The following ATP8B1 variants were observed in gnomAD, a reference collection of about 807,000 sequenced individuals.
ATP8B1 encodes the protein phospholipid-transporting ATPase IC.
In ATP8B1, 80 loss-of-function variants were observed where a neutral mutation model predicts 149.9. The observed-to-expected ratio is 0.53, with a 90% confidence interval of 0.45 to 0.64. ATP8B1 has a LOEUF of 0.64. Ranked by LOEUF, ATP8B1 falls within the 30% of genes least tolerant of loss-of-function variation. The probability of loss-of-function intolerance (pLI) is 0.00; values close to 1 mark genes in which losing one functional copy is unlikely to be tolerated. For missense variants in ATP8B1, 1,247 were observed against 1,552.6 expected, an observed-to-expected ratio of 0.80 and a Z score of 3.31; for synonymous variants, 536 against 562.8, an observed-to-expected ratio of 0.95 and a Z score of 0.67.
intron 2 of ATP8B1, among the ~76,000 whole-genome samples, chr18:57,719,824 C>T (rs2079623545): frequency 6.6e-6 from 1 of 152,168 alleles, no homozygotes; most frequent in African/African-American, 2.4e-5. Flanking sequence ...CAGCAGTAAC[C>T]TCTGCAGACT....
intron 1 of ATP8B1, among the ~76,000 whole-genome samples, chr18:57,781,961 C>T (rs531538652): frequency 1.3e-5 from 2 of 152,048 alleles, no homozygotes; most frequent in South Asian, 4.2e-4. Context: ...TGCACTCCAA[C>T]CTGGGCAACA....
At chr18:57,775,302 GGA>G (rs1174509563) in intron 1 of ATP8B1, among the ~76,000 whole-genome samples, 2 of 151,704 alleles carry the variant, frequency 1.3e-5, no homozygotes, top group African/African-American at 2.4e-5. Context: ...GGTGACAGAT[GGA>G]GACCCTGTCT....
chr18:57,649,908 A>G (rs1414352714), intron 27 of ATP8B1, among the ~76,000 whole-genome samples: 2 of 152,174 alleles, frequency 1.3e-5, no homozygotes, highest in African/African-American at 4.8e-5. Context: ...CTTTCTTGAC[A>G]ACATTAAATT....
Position 57,712,106 on chromosome 18 carries a change from C to T in ATP8B1, c.182-5519G>A, listed in dbSNP as rs577973510. On this transcript the variant is annotated intron_variant, in intron 2 of 27. Transcript: ENST00000648908. ...GAGGAGCAAGGTGGCCAAATAGAAG[C>T]TCGCACGAATTGTAATTCCCATAGG... is the stretch of plus-strand genomic sequence containing the variant. 9.3e-5 allele frequency among the ~76,000 whole-genome samples: 14 copies of T among 150,770 alleles called. No individual in the cohort carries two copies. In the South Asian group the frequency reaches 2.1e-3, roughly 23 times the overall value.
At chr18:57,770,500 G>T (rs561719059) in intron 1 of ATP8B1, among the ~76,000 whole-genome samples, 1 of 152,168 alleles carries the variant, frequency 6.6e-6, no homozygotes, top group Non-Finnish European at 1.5e-5. Flanking sequence ...TCCTCACTCC[G>T]TGAGACACAA....
intron 1 of ATP8B1, among the ~76,000 whole-genome samples, chr18:57,765,360 C>A (rs535496041): frequency 3.3e-5 from 5 of 152,190 alleles, no homozygotes; most frequent in Non-Finnish European, 5.9e-5. Context: ...CCCTTAAAGA[C>A]ACTGAAGTGT....
intron 1 of ATP8B1, among the ~76,000 whole-genome samples, chr18:57,765,886 C>T (rs2080207016): frequency 6.7e-6 from 1 of 150,312 alleles, no homozygotes; most frequent in Non-Finnish European, 1.5e-5. Flanking sequence ...GCAGGAGAAT[C>T]GCTCGAACCC....
intron 1 of ATP8B1, among the ~76,000 whole-genome samples, chr18:57,745,385 C>A (rs181165829): frequency 6.6e-6 from 1 of 152,190 alleles, no homozygotes; most frequent in Non-Finnish European, 1.5e-5. Context: ...AATTCTCCTG[C>A]CTCAGCTTCC....
chr18:57,650,672 G>A lies in ATP8B1; in HGVS notation c.3401-175C>T, dbSNP rs167603. ...AGCCTGGGCAACATGGTGAAACCCC[G>A]TCTCTACTAAAATACAAAAAATCAG... On this transcript the variant is annotated intron_variant, in intron 26 of 27. Transcript: ENST00000648908. Among the ~76,000 whole-genome samples the A allele has an allele frequency of 0.31, 46,441 of 151,720 alleles. 7,208 individuals carry two copies. The highest frequency in any genetic ancestry group is 0.4 in the East Asian group (2,038 of 5,152).
chr18:57,737,020 G>A (rs1418789676), intron 1 of ATP8B1: 1 of 152,056 alleles, frequency 6.6e-6, no homozygotes, highest in African/African-American at 2.4e-5. Context: ...ATTTTGTTTT[G>A]TTTTTCTCAT....
intron 1 of ATP8B1, among the ~76,000 whole-genome samples, chr18:57,792,707 A>G (rs1033404152): frequency 1.3e-5 from 2 of 152,084 alleles, no homozygotes; most frequent in South Asian, 4.2e-4. Context: ...TATACTAAGA[A>G]CCATTGAATT....
chr18:57,790,487 C>T (rs2080454130), intron 1 of ATP8B1, among the ~76,000 whole-genome samples: 1 of 152,282 alleles, frequency 6.6e-6, no homozygotes, highest in East Asian at 1.9e-4. Flanking sequence ...TCATGTCACA[C>T]CCAGTATTCT....
intron 15 of ATP8B1, among the ~76,000 whole-genome samples, chr18:57,682,007 ATTT>A (rs200585995): frequency 4.2e-4 from 61 of 144,112 alleles, no homozygotes; most frequent in Admixed American, 7.6e-4. Context: ...ACTTTGTGTT[ATTT>A]TTTTTTTTTT....
chr18:57,661,454 A>C lies in ATP8B1; in HGVS notation c.2427T>G (p.Ile809Met). 1 of 1,613,262 alleles carries C rather than the reference A, an allele frequency of 6.2e-7. No homozygotes were observed. The highest frequency in any genetic ancestry group is 8.5e-7 in the Non-Finnish European group (1 of 1,179,664). ...TTCTCTTGGTCTTTTTCTCGAGAAGAATTTCATTCTGTGAAATCAGAGAGG... is the reference window on the plus strand; with the variant it reads ...TTCTCTTGGTCTTTTTCTCGAGAAGCATTTCATTCTGTGAAATCAGAGAGG... ...LIITGSWLNE[I>M]LLEKKTKRNK... Residue 809 changes from isoleucine to methionine, a missense_variant, in exon 22 of 28, where the codon ATT becomes ATG. Transcript: ENST00000648908.
At chr18:57,683,122 G>A (rs928283030) in intron 15 of ATP8B1, among the ~76,000 whole-genome samples, 6 of 152,090 alleles carry the variant, frequency 3.9e-5, no homozygotes, top group East Asian at 1.9e-4. Context: ...GCCACCAAGC[G>A]TTGGCCTACA....
chr18:57,669,368 G>C lies in ATP8B1; in HGVS notation c.2047C>G (p.Arg683Gly), dbSNP rs1216021001. 1.7e-5 allele frequency: 27 copies of C among 1,613,610 alleles called. No homozygotes were observed. Among genetic ancestry groups the C allele is most frequent in the Non-Finnish European group, 2.2e-5 (26 of 1,179,950 alleles). Reference sequence around the variant, plus strand: ...TATACTTTATCCAGAGCTTCGTCCCGGTTGGTGGAGGCCACACTGGCAGCC... The same window carrying C: ...TATACTTTATCCAGAGCTTCGTCCCCGTTGGTGGAGGCCACACTGGCAGCC... Reference protein sequence around the residue: ...FMAASVASTNRDEALDKVYEE... With the variant: ...FMAASVASTNGDEALDKVYEE... Residue 683 changes from arginine to glycine, a missense_variant, in exon 18 of 28, where the codon CGG becomes GGG. Arg to Gly is a moderately radical substitution (Grantham distance 125). Around this residue, in one of 3 missense-constraint regions of ATP8B1, gnomAD observed 853 missense variants for 1,035.7 expected, o/e 0.82. Coordinates refer to ENST00000648908, the MANE Select transcript of ATP8B1 (RefSeq NM_001374385.1).
At chr18:57,705,518 C>T (rs1315701185) in intron 3 of ATP8B1, among the ~76,000 whole-genome samples, 3 of 152,132 alleles carry the variant, frequency 2.0e-5, no homozygotes, top group East Asian at 1.9e-4. Flanking sequence ...GGTGCTTATT[C>T]GGACTGGGGT....
intron 15 of ATP8B1, among the ~76,000 whole-genome samples, chr18:57,676,745 A>C (rs564974604): frequency 6.6e-6 from 1 of 151,938 alleles, no homozygotes; most frequent in East Asian, 1.9e-4. Flanking sequence ...AAAAGAAAGA[A>C]AGAAAAGTTG....
Position 57,802,228 on chromosome 18 carries a change from C to T in ATP8B1, c.-26+770G>A, listed in dbSNP as rs1343250228. Among the ~76,000 whole-genome samples, 1 of 152,162 alleles carries T rather than the reference C, an allele frequency of 6.6e-6. No homozygotes were observed. ...TGGGCCATTCTCTGCAACATCTCCCCGCGCCCCCCAACAAGTTGCCCCTCC... is the reference window on the plus strand; with the variant it reads ...TGGGCCATTCTCTGCAACATCTCCCTGCGCCCCCCAACAAGTTGCCCCTCC... On this transcript the variant is annotated intron_variant, in intron 1 of 27. Coordinates refer to ENST00000648908, the MANE Select transcript of ATP8B1 (RefSeq NM_001374385.1). The surrounding 1 kb of genome is among the most constrained non-coding windows in gnomAD (Gnocchi z 4.9).
Sources: gnomAD v4.1 joint callset for allele counts (sites outside exome capture counted in the v4.1 genomes callset) on GRCh38, gnomAD v4.1.1 for gene constraint, gnomAD v4.1.1 regional missense constraint, Gnocchi (gnomAD v3.1) non-coding constraint, MANE v1.5 for transcripts, NCBI Gene and HGNC (gene_info 2026-07-23, HGNC 2026-07-21) for gene names.